PCDH15: variants seen among roughly 807,000 people sequenced by gnomAD.
PCDH15 encodes protocadherin related 15.
A neutral mutation model predicts 178.5 loss-of-function variants in PCDH15; 129 were observed. The ratio of observed to expected loss-of-function variants is 0.72; its 90% CI spans 0.63 to 0.84. PCDH15 has a LOEUF of 0.84. PCDH15 is among the 40% of genes least tolerant of loss of function. The pLI, the probability that PCDH15 is intolerant of heterozygous loss-of-function variation, is 0.00. For missense variants in PCDH15, 2,230 were observed against 2,099.9 expected, an observed-to-expected ratio of 1.06 and a Z score of -1.21; for synonymous variants, 800 against 732.0, an observed-to-expected ratio of 1.09 and a Z score of -1.50.
chr10:53,821,520 G>C (rs1427612771), intron 32 of PCDH15: 3 of 1,048,408 alleles, frequency 2.9e-6, no homozygotes, highest in Non-Finnish European at 2.3e-6. Context: ...AAATGTTACT[G>C]CATCCACATG....
intron 2 of PCDH15, among the ~76,000 whole-genome samples, chr10:55,445,807 T>A (rs920298947): frequency 6.6e-6 from 1 of 152,174 alleles, no homozygotes; most frequent in African/African-American, 2.4e-5. Context: ...TTCAAACTTC[T>A]TGGTCCTTTG....
intron 1 of PCDH15, among the ~76,000 whole-genome samples, chr10:55,297,048 C>T (rs991374226): frequency 6.6e-6 from 1 of 151,984 alleles, no homozygotes; most frequent in Admixed American, 6.6e-5. Context: ...AAACCAGGTA[C>T]TCCATAAGTC....
At chr10:54,006,725 G>C (rs1017833171) in intron 20 of PCDH15, among the ~76,000 whole-genome samples, 1 of 152,088 alleles carries the variant, frequency 6.6e-6, no homozygotes, top group African/African-American at 2.4e-5. Context: ...CTATGGGGTA[G>C]CAATATTTCT....
At chr10:53,941,635 G>C (rs1209190750) in intron 23 of PCDH15, among the ~76,000 whole-genome samples, 1 of 152,128 alleles carries the variant, frequency 6.6e-6, no homozygotes, top group Non-Finnish European at 1.5e-5. Context: ...TCTGTGTGTA[G>C]GTTTTTGTGA....
At chr10:54,835,877 A>T (rs2133756053) in intron 3 of PCDH15, among the ~76,000 whole-genome samples, 1 of 152,294 alleles carries the variant, frequency 6.6e-6, no homozygotes, top group East Asian at 1.9e-4. Flanking sequence ...AAAGAAAGAT[A>T]CGGTATTTTT....
intron 2 of PCDH15, among the ~76,000 whole-genome samples, chr10:55,397,612 T>G (rs1837961349): frequency 6.6e-6 from 1 of 152,164 alleles, no homozygotes. Flanking sequence ...TGATGGAGTC[T>G]TGCTCTGTCG....
intron 2 of PCDH15, among the ~76,000 whole-genome samples, chr10:55,060,345 G>C (rs1306164227): frequency 6.6e-6 from 1 of 152,042 alleles, no homozygotes; most frequent in East Asian, 1.9e-4. Context: ...ATAATATTAG[G>C]AAGGTTTAGG....
intron 2 of PCDH15, among the ~76,000 whole-genome samples, chr10:55,544,954 G>T (rs1388762078): frequency 1.3e-5 from 2 of 152,062 alleles, no homozygotes; most frequent in Non-Finnish European, 2.9e-5. Context: ...AACAAACCTT[G>T]GAACCAGAAA....
At chr10:54,584,141 C>T (rs2133834950) in intron 2 of PCDH15, among the ~76,000 whole-genome samples, 1 of 150,506 alleles carries the variant, frequency 6.6e-6, no homozygotes, top group South Asian at 2.1e-4. Context: ...AATCCCAAAG[C>T]TTTGGGAAGC....
At chr10:54,375,415 G>A (rs1353590564) in intron 4 of PCDH15, among the ~76,000 whole-genome samples, 1 of 152,062 alleles carries the variant, frequency 6.6e-6, no homozygotes, top group African/African-American at 2.4e-5. Flanking sequence ...CCAAGACCAA[G>A]TAGTTTTCCT....
At chr10:53,810,917 G>A (rs2075842108) in intron 36 of PCDH15, among the ~76,000 whole-genome samples, 2 of 152,052 alleles carry the variant, frequency 1.3e-5, no homozygotes, top group African/African-American at 2.4e-5. Flanking sequence ...CTCGTTTTTG[G>A]AGAAACTAGA....
chr10:53,881,742 G>A (rs142116541), intron 26 of PCDH15, among the ~76,000 whole-genome samples: 26 of 152,024 alleles, frequency 1.7e-4, no homozygotes, highest in African/African-American at 6.0e-4. Context: ...TAACCCTTGC[G>A]ATGTTTTGAT....
At chr10:55,536,703 T>G (rs77979893) in intron 2 of PCDH15, among the ~76,000 whole-genome samples, 1 of 152,264 alleles carries the variant, frequency 6.6e-6, no homozygotes, top group East Asian at 1.9e-4. Flanking sequence ...CTTATTTAAT[T>G]TCCAGACTTG....
chr10:54,222,142 T>C (rs1472553473), intron 9 of PCDH15, among the ~76,000 whole-genome samples: 1 of 152,236 alleles, frequency 6.6e-6, no homozygotes, highest in East Asian at 1.9e-4. Flanking sequence ...AATGAATCTA[T>C]GCTTTCATTT....
chr10:55,328,932 AT>A lies in PCDH15; in HGVS notation c.-155-162282del, dbSNP rs1489975443. Among the ~76,000 whole-genome samples the A allele has an allele frequency of 1.5e-3, 197 of 134,408 alleles. 2 individuals are homozygous for A. Among genetic ancestry groups the A allele is most frequent in the African/African-American group, 5.2e-3 (184 of 35,276 alleles). The allele number at this position is 134,408 out of a possible 152,430, so 88.2% of individuals were successfully genotyped here. A position where few individuals can be genotyped will look rare whatever the true frequency, so the allele number is the denominator to read the frequency against. On this transcript the variant is annotated intron_variant, in intron 2 of 5. Coordinates refer to the PCDH15 transcript ENST00000613346. ...CACAAACATATATATATATATATAT[AT>A]ATATATATATATATATAAAATATAT...
At chr10:54,361,745 A>G (rs1278683112) in intron 5 of PCDH15, among the ~76,000 whole-genome samples, 1 of 152,032 alleles carries the variant, frequency 6.6e-6, no homozygotes, top group Admixed American at 6.6e-5. Context: ...ATTAGTATTA[A>G]TATTTATTCA....
chr10:55,214,974 G>A (rs1015267257), intron 1 of PCDH15, among the ~76,000 whole-genome samples: 3 of 152,028 alleles, frequency 2.0e-5, no homozygotes, highest in Admixed American at 6.6e-5. Flanking sequence ...ACTCTTCTAC[G>A]AGGTATTACA....
intron 1 of PCDH15, among the ~76,000 whole-genome samples, chr10:55,270,332 T>C (rs987895009): frequency 4.6e-5 from 7 of 151,358 alleles, no homozygotes; most frequent in Admixed American, 4.0e-4. Flanking sequence ...AAAGAAAATA[T>C]CATACAGTAG....
At position 54,126,909 on chromosome 10, in the gene PCDH15, T is replaced by C. The variant is rs543949742; in HGVS notation, c.1917+5966A>G. ...TACAAACCTTTTAAAATACAAAAAATATTCTATCTTACTTGTCTCTCAAAA... is the reference window on the plus strand; with the variant it reads ...TACAAACCTTTTAAAATACAAAAAACATTCTATCTTACTTGTCTCTCAAAA... On this transcript the variant is annotated intron_variant, in intron 15 of 37. Coordinates refer to ENST00000644397, the MANE Select transcript of PCDH15 (RefSeq NM_001384140.1). Among the ~76,000 whole-genome samples, 6 of 152,292 alleles carry C rather than the reference T, an allele frequency of 3.9e-5. 1 individual carries two copies. In the East Asian group the frequency reaches 9.7e-4, roughly 25 times the overall value.
Sources: allele counts gnomAD v4.1 joint callset (sites outside exome capture counted in the v4.1 genomes callset), GRCh38; gene constraint gnomAD v4.1.1; transcripts MANE v1.5; gene names NCBI Gene and HGNC (gene_info 2026-07-23, HGNC 2026-07-21).